Variants in ERC1 observed in about 807,000 individuals in gnomAD.
ERC1 encodes the protein ELKS/RAB6-interacting/CAST family member 1, also known as RAB6 interacting protein 2.
A neutral mutation model predicts 132.0 loss-of-function variants in ERC1; 56 were observed. That is an observed-to-expected ratio of 0.42 (90% CI 0.34 to 0.53). The LOEUF (loss-of-function observed/expected upper bound fraction) is 0.53. Ranked by LOEUF, ERC1 falls within the 20% of genes least tolerant of loss-of-function variation. ERC1 has a pLI of 0.03. For missense variants in ERC1, 1,202 were observed against 1,349.9 expected, an observed-to-expected ratio of 0.89 and a Z score of 1.72; for synonymous variants, 478 against 476.1, an observed-to-expected ratio of 1.00 and a Z score of -0.05.
intron 11 of ERC1, among the ~76,000 whole-genome samples, chr12:1,184,470 A>C (rs1954847859): frequency 6.6e-6 from 1 of 152,094 alleles, no homozygotes; most frequent in South Asian, 2.1e-4. Flanking sequence ...TCTTCTTGGA[A>C]ACTATTACTG....
At chr12:1,313,947 G>T (rs949720931) in intron 15 of ERC1, among the ~76,000 whole-genome samples, 2 of 152,110 alleles carry the variant, frequency 1.3e-5, no homozygotes, top group Non-Finnish European at 2.9e-5. Context: ...TCACACCATT[G>T]CACTTCAGCC....
chr12:1,028,992 AAAAAC>A (rs1463455735), intron 2 of ERC1, among the ~76,000 whole-genome samples: 3 of 152,156 alleles, frequency 2.0e-5, no homozygotes, highest in African/African-American at 7.2e-5. Flanking sequence ...AGTCATTCTT[AAAAAC>A]AAAACAAAAT....
intron 17 of ERC1, among the ~76,000 whole-genome samples, chr12:1,412,259 A>G (rs2091893026): frequency 6.6e-6 from 1 of 152,210 alleles, no homozygotes; most frequent in African/African-American, 2.4e-5. Flanking sequence ...AGAAATTCAA[A>G]CTTTTGAAAT....
intron 11 of ERC1, among the ~76,000 whole-genome samples, chr12:1,184,153 GA>G (rs76970512): frequency 2.2e-4 from 29 of 134,616 alleles, no homozygotes; most frequent in East Asian, 6.3e-4. Context: ...AAAAAAAAAA[GA>G]AAAAAAAAAG....
rs537218837 is a variant in ERC1, at chr12:1,375,764, G to C, written c.2925+3787G>C. 1.1e-4 allele frequency among the ~76,000 whole-genome samples: 13 copies of C among 121,758 alleles called. No homozygotes were observed. In the East Asian group the frequency reaches 2.2e-3, roughly 20 times the overall value. 79.9% of individuals were successfully genotyped at this position (121,758 alleles called of 152,430 possible). ...TTTTTTTTTTTTTTTTTGAGGTGGA[G>C]TTTTGCTCTGTTCCCCAGGCTGGAG... is the stretch of plus-strand genomic sequence containing the variant. On this transcript the variant is annotated intron_variant, in intron 16 of 18. Transcript: ENST00000360905.
At chr12:1,118,699 G>T (rs1946721004) in intron 7 of ERC1, among the ~76,000 whole-genome samples, 1 of 152,202 alleles carries the variant, frequency 6.6e-6, no homozygotes, top group South Asian at 2.1e-4. Context: ...ACTTGCCAGT[G>T]TTAGAGCCCA....
At chr12:1,308,317 T>G (rs1054524855) in intron 15 of ERC1, among the ~76,000 whole-genome samples, 1 of 150,876 alleles carries the variant, frequency 6.6e-6, no homozygotes, top group Non-Finnish European at 1.5e-5. Context: ...AATAAAGACC[T>G]GAGATAAAGA....
intron 1 of ERC1, among the ~76,000 whole-genome samples, chr12:1,007,545 T>G (rs1963943636): frequency 2.1e-5 from 1 of 48,752 alleles, no homozygotes; most frequent in Non-Finnish European, 8.7e-5. Flanking sequence ...TCTCTCTGTG[T>G]GTGTGTGTGT....
chr12:1,485,274 A>G (rs10848488), intron 18 of ERC1, among the ~76,000 whole-genome samples: 52,066 of 137,784 alleles, frequency 0.38, 10,049 homozygotes, highest in Middle Eastern at 0.56. Context: ...GCGTGATCTT[A>G]GCCCACTGCA....
At chr12:1,133,860 G>A (rs1451424012) in intron 7 of ERC1, among the ~76,000 whole-genome samples, 1 of 152,070 alleles carries the variant, frequency 6.6e-6, no homozygotes. Flanking sequence ...GTTTCTTTGA[G>A]TTCAACTTTA....
At chr12:1,148,916 A>G (rs1365333937) in intron 8 of ERC1, among the ~76,000 whole-genome samples, 2 of 152,024 alleles carry the variant, frequency 1.3e-5, no homozygotes, top group African/African-American at 4.8e-5. Context: ...ACTGCTTTGT[A>G]GACAATTACC....
chr12:1,097,418 T>C (rs1488475519), intron 3 of ERC1, among the ~76,000 whole-genome samples: 1 of 152,210 alleles, frequency 6.6e-6, no homozygotes, highest in Non-Finnish European at 1.5e-5. Flanking sequence ...TTCTCTAGGC[T>C]ACATCAGCTC....
intron 1 of ERC1, among the ~76,000 whole-genome samples, chr12:1,026,060 T>C (rs1049406613): frequency 1.3e-5 from 2 of 152,140 alleles, no homozygotes; most frequent in Non-Finnish European, 2.9e-5. Flanking sequence ...TCTCCCAAAT[T>C]GCTGGAATTA....
chr12:1,190,319 T>A, intron 12 of ERC1: 1 of 491,788 alleles, frequency 2.0e-6, no homozygotes, highest in Admixed American at 2.9e-5. Context: ...AATTTAAAAT[T>A]AAAGTTTTTT....
chr12:1,321,342 G>GTGTGTGTGTGTGTATA (rs112838015), intron 15 of ERC1, among the ~76,000 whole-genome samples: 29 of 152,132 alleles, frequency 1.9e-4, no homozygotes, highest in Admixed American at 3.3e-4. Context: ...GTGTGTGTGT[G>GTGTGTGTGTGTGTATA]TATATTTTGC....
At chr12:1,063,515 G>C (rs938402709) in intron 2 of ERC1, among the ~76,000 whole-genome samples, 3 of 152,110 alleles carry the variant, frequency 2.0e-5, no homozygotes, top group African/African-American at 4.8e-5. Flanking sequence ...ACCTGCCTTG[G>C]CCTCCCAAAG....
At chr12:1,469,263 G>T (rs1199500366) in intron 18 of ERC1, among the ~76,000 whole-genome samples, 1 of 152,248 alleles carries the variant, frequency 6.6e-6, no homozygotes, top group African/African-American at 2.4e-5. Context: ...GCACCCTGCA[G>T]GCTGCCAGCA....
intron 13 of ERC1, among the ~76,000 whole-genome samples, chr12:1,249,915 A>G (rs2076370737): frequency 6.6e-6 from 1 of 152,136 alleles, no homozygotes; most frequent in Admixed American, 6.5e-5. Flanking sequence ...AAGGGCATTT[A>G]ATGCCATTCA....
At chr12:1,438,220 T>C (rs1281969245) in intron 17 of ERC1, among the ~76,000 whole-genome samples, 2 of 152,248 alleles carry the variant, frequency 1.3e-5, no homozygotes, top group African/African-American at 2.4e-5. Flanking sequence ...AAGTACATTA[T>C]TGACTAAGAA....
Sources: allele counts gnomAD v4.1 joint callset (sites outside exome capture counted in the v4.1 genomes callset), GRCh38; gene constraint gnomAD v4.1.1; transcripts MANE v1.5; gene names NCBI Gene and HGNC (gene_info 2026-07-23, HGNC 2026-07-21).